SLC71A2: variants seen among roughly 807,000 people sequenced by gnomAD.
The protein encoded by SLC71A2 is solute carrier family 71 member 2, also known as hippocampus abundant transcript-like 1.
chr9:94,401,596 A>T, the SLC71A2 span, among the ~76,000 whole-genome samples: 3 of 151,892 alleles, frequency 2.0e-5, no homozygotes, highest in African/African-American at 7.3e-5. Context: ...TTTAACAAGA[A>T]ATCTGATGGA....
At chr9:94,409,616 CT>C in the SLC71A2 span, among the ~76,000 whole-genome samples, 2 of 152,208 alleles carry the variant, frequency 1.3e-5, no homozygotes, top group Non-Finnish European at 2.9e-5. Flanking sequence ...CAGCTGTACA[CT>C]TCCTGTTAAG....
chr9:94,385,660 G>A, the SLC71A2 span, among the ~76,000 whole-genome samples: 1 of 152,078 alleles, frequency 6.6e-6, no homozygotes, highest in Admixed American at 6.6e-5. Context: ...AAAATCAGTT[G>A]GCCATACATG....
chr9:94,379,368 G>T, the SLC71A2 span, among the ~76,000 whole-genome samples: 1 of 145,518 alleles, frequency 6.9e-6, no homozygotes. Context: ...TTACAGGCGT[G>T]AGCCACTGCG....
chr9:94,377,651 G>T, the SLC71A2 span, among the ~76,000 whole-genome samples: 5 of 151,660 alleles, frequency 3.3e-5, no homozygotes, highest in Non-Finnish European at 5.9e-5. Context: ...CCAGTGCTGG[G>T]ATTATAGGTT....
At chr9:94,441,122 T>TA in the SLC71A2 span, 2 of 1,311,706 alleles carry the variant, frequency 1.5e-6, no homozygotes, top group South Asian at 2.7e-5. Flanking sequence ...ACTATATATA[T>TA]TTTTTAACCA....
the SLC71A2 span, chr9:94,446,998 A>G: frequency 4.5e-6 from 4 of 881,066 alleles, no homozygotes; most frequent in East Asian, 2.4e-5. Flanking sequence ...AGATTTGTCT[A>G]AAGATATTTT....
chr9:94,401,838 C>A, the SLC71A2 span, among the ~76,000 whole-genome samples: 1 of 152,110 alleles, frequency 6.6e-6, no homozygotes, highest in African/African-American at 2.4e-5. Flanking sequence ...AGTAGAGGAA[C>A]AAAAGAATGG....
chr9:94,430,067 G>A, the SLC71A2 span, among the ~76,000 whole-genome samples: 1 of 151,426 alleles, frequency 6.6e-6, no homozygotes, highest in Non-Finnish European at 1.5e-5. Flanking sequence ...ACCACGCCCA[G>A]CTGATTTTTG....
At chr9:94,450,360 A>G in the SLC71A2 span, among the ~76,000 whole-genome samples, 1 of 152,326 alleles carries the variant, frequency 6.6e-6, no homozygotes, top group South Asian at 2.1e-4. Context: ...TTCTAGCCCT[A>G]GGACTTTTCA....
the SLC71A2 span, among the ~76,000 whole-genome samples, chr9:94,419,306 T>TC: frequency 2.7e-5 from 4 of 150,640 alleles, no homozygotes; most frequent in South Asian, 6.3e-4. Flanking sequence ...TTCTTTTTTT[T>TC]TTTTTTTTGA....
the SLC71A2 span, chr9:94,459,328 G>C: frequency 1.2e-6 from 2 of 1,614,160 alleles, no homozygotes; most frequent in Non-Finnish European, 1.7e-6. Context: ...GCAGTGATGA[G>C]GACATTGAGC....
At chr9:94,433,464 G>A in the SLC71A2 span, among the ~76,000 whole-genome samples, 68 of 150,748 alleles carry the variant, frequency 4.5e-4, no homozygotes, top group Non-Finnish European at 8.5e-4. Context: ...CCTGAGGTTG[G>A]GAGTTTGAGA....
At chr9:94,396,543 A>T in the SLC71A2 span, among the ~76,000 whole-genome samples, 1 of 152,116 alleles carries the variant, frequency 6.6e-6, no homozygotes, top group Non-Finnish European at 1.5e-5. Context: ...AATGAAAACA[A>T]AGTGGGGTGG....
chr9:94,435,313 C>T, the SLC71A2 span, among the ~76,000 whole-genome samples: 3 of 152,338 alleles, frequency 2.0e-5, no homozygotes, highest in Admixed American at 1.3e-4. Flanking sequence ...CTACTATCCA[C>T]CTACATGCAT....
chr9:94,449,054 C>T, the SLC71A2 span, among the ~76,000 whole-genome samples: 3 of 152,174 alleles, frequency 2.0e-5, no homozygotes, highest in Non-Finnish European at 4.4e-5. Flanking sequence ...CATTACATTA[C>T]ATATGCATTT....
the SLC71A2 span, among the ~76,000 whole-genome samples, chr9:94,417,581 C>T: frequency 6.6e-6 from 1 of 152,070 alleles, no homozygotes; most frequent in South Asian, 2.1e-4. Context: ...GAGCCAAGAT[C>T]GTGTCATTGC....
the SLC71A2 span, among the ~76,000 whole-genome samples, chr9:94,403,713 A>G: frequency 6.6e-6 from 1 of 152,028 alleles, no homozygotes; most frequent in Admixed American, 6.5e-5. Flanking sequence ...GTCATGGAGT[A>G]ATTCTATTTT....
the SLC71A2 span, among the ~76,000 whole-genome samples, chr9:94,430,951 T>C: frequency 3.3e-5 from 5 of 152,118 alleles, no homozygotes; most frequent in Non-Finnish European, 5.9e-5. Context: ...AGGGTCTAAT[T>C]TGTGCTTTCC....
the SLC71A2 span, chr9:94,459,596 T>TTTTTTTTTTTCTCTTACATTC: frequency 4.2e-6 from 1 of 236,204 alleles, no homozygotes; most frequent in Admixed American, 6.5e-5. Context: ...TCTTACATTC[T>TTTTTTTTTTTCTCTTACATTC]TTTTTTTTTT....
Sources: gnomAD v4.1 joint callset for allele counts (sites outside exome capture counted in the v4.1 genomes callset) on GRCh38, gnomAD v4.1.1 for gene constraint, MANE v1.5 for transcripts, NCBI Gene and HGNC (gene_info 2026-07-23, HGNC 2026-07-21) for gene names.